The following CLCN5 variants were observed in gnomAD, a reference collection of about 807,000 sequenced individuals.
CLCN5 encodes the protein Cl-/H+ antiporter 5.
Under a neutral mutation model 54.0 loss-of-function variants are expected in CLCN5, and 17 were observed. The ratio of observed to expected loss-of-function variants is 0.31; its 90% CI spans 0.22 to 0.47. The LOEUF is 0.47. Among genes scored for constraint, CLCN5 ranks in the 20% least tolerant of loss-of-function variants. The pLI is 1.00. For synonymous variants in CLCN5, 222 were observed against 233.0 expected (o/e 0.95, Z 0.43); for missense variants, 448 against 646.7 (o/e 0.69, Z 3.33).
At chrX:50,051,235 A>G (rs1179489926) in intron 4 of CLCN5, among the ~76,000 whole-genome samples, 3 of 112,187 alleles carry the variant, frequency 2.7e-5, no homozygotes, top group African/African-American at 9.7e-5. Context: ...TCTTTTTAAC[A>G]TACTTATGCC....
At chrX:50,004,041 C>G (rs782252953) in intron 3 of CLCN5, among the ~76,000 whole-genome samples, 4 of 112,322 alleles carry the variant, frequency 3.6e-5, no homozygotes, top group African/African-American at 9.7e-5. Flanking sequence ...CCATGCCTTT[C>G]CATATGCACA....
intron 3 of CLCN5, among the ~76,000 whole-genome samples, chrX:49,939,294 A>G (rs1926184210): frequency 9.1e-6 from 1 of 110,384 alleles, no homozygotes; most frequent in Admixed American, 9.6e-5. Flanking sequence ...CTGGGTATAT[A>G]CCCAAAGGAT....
rs782471261 is a variant in CLCN5, at chrX:50,093,004, G to A, written c.*785G>A. 8.9e-6 allele frequency: 1 copy of A among 112,261 alleles called. No individual in the cohort carries two copies. Among genetic ancestry groups the A allele is most frequent in the African/African-American group, 3.2e-5 (1 of 30,911 alleles). The allele number at this position is 112,261 out of a possible 1,213,427, so 9.3% of individuals were successfully genotyped here. A position where few individuals can be genotyped will look rare whatever the true frequency, so the allele number is the denominator to read the frequency against. On this transcript the variant is annotated 3_prime_UTR_variant, in exon 15 of 15. Transcript: ENST00000376091. Reference sequence around the variant, plus strand: ...TTAGCTGGTAGACAAGGACTTTGCCGTGAATTTGTTAGTAGCAAGGAATGA... The same window carrying A: ...TTAGCTGGTAGACAAGGACTTTGCCATGAATTTGTTAGTAGCAAGGAATGA...
intron 3 of CLCN5, among the ~76,000 whole-genome samples, chrX:49,928,664 G>A (rs951159315): frequency 8.9e-6 from 1 of 111,827 alleles, no homozygotes; most frequent in Middle Eastern, 4.2e-3. Flanking sequence ...GGTGGCTCAC[G>A]CCTGTAATCC....
Position 49,925,199 on chromosome X carries a change from CA to C in CLCN5, c.-99del, listed in dbSNP as rs1925279256. 1 of 920,495 alleles carries C rather than the reference CA, an allele frequency of 1.1e-6. No individual in the cohort carries two copies. The highest frequency in any genetic ancestry group is 3.1e-5 in the East Asian group (1 of 32,372). 75.9% of individuals were successfully genotyped at this position (920,495 alleles called of 1,213,427 possible). ...TGGGGCTTTAGCCCCTTGGAGAAAA[CA>C]GGGCCACATAGCTGCCTTTCTATCA... On this transcript the variant is annotated 5_prime_UTR_variant, in exon 3 of 15. Coordinates refer to ENST00000376091, the MANE Select transcript of CLCN5 (RefSeq NM_001127898.4).
intron 4 of CLCN5, among the ~76,000 whole-genome samples, chrX:50,047,547 T>C (rs782818386): frequency 2.4e-4 from 27 of 111,348 alleles, no homozygotes; most frequent in Non-Finnish European, 4.3e-4. Context: ...TGTCCTCTAA[T>C]TTTTCCCCCA....
intron 9 of CLCN5, 125 bp from the exon 10 acceptor site, chrX:50,085,855 T>C (rs1933864283): frequency 3.3e-6 from 2 of 607,434 alleles, no homozygotes; most frequent in East Asian, 6.8e-5. Context: ...TTGTTTTTGA[T>C]GATATGGAAC....
At chrX:50,059,034 G>A (rs1932810024) in intron 4 of CLCN5, among the ~76,000 whole-genome samples, 2 of 110,933 alleles carry the variant, frequency 1.8e-5, no homozygotes, top group African/African-American at 6.5e-5. Flanking sequence ...CATTTCTGTT[G>A]CCATTCTTGA....
At chrX:50,051,033 CTT>C (rs782190225) in intron 4 of CLCN5, among the ~76,000 whole-genome samples, 1 of 111,336 alleles carries the variant, frequency 9.0e-6, no homozygotes, top group Non-Finnish European at 1.9e-5. Flanking sequence ...TGAAGTCTAA[CTT>C]ATTAATTTTT....
intron 3 of CLCN5, among the ~76,000 whole-genome samples, chrX:49,960,843 T>C (rs1557174568): frequency 1.8e-5 from 2 of 111,194 alleles, no homozygotes; most frequent in Non-Finnish European, 3.8e-5. Context: ...AATCATACTA[T>C]CCCCATAGGC....
intron 3 of CLCN5, among the ~76,000 whole-genome samples, chrX:49,981,096 C>A (rs1340883441): frequency 9.0e-6 from 1 of 111,573 alleles, no homozygotes; most frequent in Non-Finnish European, 1.9e-5. Context: ...ATGAATTTCT[C>A]TCACACATTG....
chrX:49,994,089 G>A lies in CLCN5; in HGVS notation c.17-48227G>A, dbSNP rs1557179309. On this transcript the variant is annotated intron_variant, in intron 3 of 14. Coordinates refer to ENST00000376091, the MANE Select transcript of CLCN5 (RefSeq NM_001127898.4). ...AAAAGAGAATCGACATTCTAAGTAG[G>A]TGACATCAAAATAGCAATTGTGATA... Among the ~76,000 whole-genome samples, 3 of 112,104 alleles carry A rather than the reference G, an allele frequency of 2.7e-5. No homozygotes were observed. The Admixed American group carries it at 2.8e-4, about 11-fold the overall frequency.
chrX:50,078,883 T>C (rs1484919059), intron 7 of CLCN5, among the ~76,000 whole-genome samples: 1 of 112,011 alleles, frequency 8.9e-6, no homozygotes, highest in Non-Finnish European at 1.9e-5. Flanking sequence ...AGTGCAGTGG[T>C]GCGATCTCGG....
chrX:49,958,082 C>T (rs1183427630), intron 3 of CLCN5, among the ~76,000 whole-genome samples: 1 of 111,551 alleles, frequency 9.0e-6, no homozygotes, highest in Non-Finnish European at 1.9e-5. Flanking sequence ...ACTATCACTA[C>T]AAGACTTCCT....
chrX:50,081,222 A>AT (rs373655000), intron 8 of CLCN5, among the ~76,000 whole-genome samples: 6,129 of 103,480 alleles, frequency 0.059, 204 homozygotes, highest in Non-Finnish European at 0.092. Flanking sequence ...ATAAGTCACA[A>AT]TTTTTTTTTT....
At chrX:50,059,112 A>G (rs1242524713) in intron 4 of CLCN5, among the ~76,000 whole-genome samples, 1 of 112,192 alleles carries the variant, frequency 8.9e-6, no homozygotes, top group Non-Finnish European at 1.9e-5. Context: ...GAAACCAGCT[A>G]GATGTGGAAT....
chrX:50,073,050 C>T (rs1236464587), intron 6 of CLCN5, among the ~76,000 whole-genome samples: 2 of 110,594 alleles, frequency 1.8e-5, no homozygotes, highest in African/African-American at 6.6e-5. Context: ...AGCTTATGAT[C>T]TCATTCTTTC....
chrX:49,928,648 G>A (rs781847048), intron 3 of CLCN5, among the ~76,000 whole-genome samples: 2 of 111,922 alleles, frequency 1.8e-5, no homozygotes, highest in South Asian at 3.7e-4. Context: ...TCTAGCAGCC[G>A]GGCGCGGTGG....
At chrX:49,987,695 G>A (rs1929050478) in intron 3 of CLCN5, among the ~76,000 whole-genome samples, 1 of 111,140 alleles carries the variant, frequency 9.0e-6, no homozygotes, top group African/African-American at 3.3e-5. Context: ...CATTCTTCCT[G>A]GAAGTCCCCT....
Sources: gnomAD v4.1 joint callset for allele counts (sites outside exome capture counted in the v4.1 genomes callset) on GRCh38, gnomAD v4.1.1 for gene constraint, MANE v1.5 for transcripts, NCBI Gene and HGNC (gene_info 2026-07-23, HGNC 2026-07-21) for gene names.